LHFPL6: variants seen among roughly 807,000 people sequenced by gnomAD.
LHFPL6 encodes LHFPL tetraspan subfamily member 6, also known as LHFPL tetraspan subfamily member 6 protein.
Under a neutral mutation model 20.6 loss-of-function variants are expected in LHFPL6, and 9 were observed. The observed-to-expected ratio is 0.44, with a 90% CI of 0.26 to 0.76. The LOEUF (loss-of-function observed/expected upper bound fraction) is 0.76, where lower values mean the gene tolerates loss of function less well. Ranked by LOEUF, LHFPL6 falls within the 30% of genes least tolerant of loss-of-function variation. The pLI, the probability that LHFPL6 is intolerant of heterozygous loss-of-function variation, is 0.20. For synonymous variants in LHFPL6, 105 were observed against 98.7 expected, an observed-to-expected ratio of 1.06 and a Z score of -0.38; for missense variants, 218 against 253.5, an observed-to-expected ratio of 0.86 and a Z score of 0.95.
chr13:39,582,285 C>G (rs1280657358), intron 2 of LHFPL6, among the ~76,000 whole-genome samples: 1 of 152,218 alleles, frequency 6.6e-6, no homozygotes, highest in East Asian at 1.9e-4. Flanking sequence ...TCATCTCGCT[C>G]TCTTTCTGTC....
At chr13:39,549,161 T>C (rs185016481) in intron 2 of LHFPL6, among the ~76,000 whole-genome samples, 1 of 152,276 alleles carries the variant, frequency 6.6e-6, no homozygotes, top group East Asian at 1.9e-4. Flanking sequence ...GAAATAATGT[T>C]CACTGACCAT....
At chr13:39,375,891 T>G (rs769481732) in intron 3 of LHFPL6, among the ~76,000 whole-genome samples, 37 of 152,180 alleles carry the variant, frequency 2.4e-4, no homozygotes, top group Admixed American at 7.2e-4. Context: ...GCCAGTTTTT[T>G]TTTTCTCATT....
intron 2 of LHFPL6, among the ~76,000 whole-genome samples, chr13:39,562,599 CACATAT>C (rs1246985515): frequency 3.4e-4 from 22 of 65,168 alleles, no homozygotes; most frequent in African/African-American, 4.6e-4. Flanking sequence ...TACATATATA[CACATAT>C]ACATATATAC....
chr13:39,562,869 T>C (rs1871586185), intron 2 of LHFPL6, among the ~76,000 whole-genome samples: 1 of 151,962 alleles, frequency 6.6e-6, no homozygotes, highest in African/African-American at 2.4e-5. Context: ...ATTTACACAC[T>C]CTTCCTATTA....
intron 2 of LHFPL6, among the ~76,000 whole-genome samples, chr13:39,531,918 C>T (rs1034622783): frequency 6.6e-5 from 10 of 152,104 alleles, no homozygotes; most frequent in Admixed American, 4.6e-4. Flanking sequence ...AAAGCAGCCA[C>T]GAGACAGGTT....
intron 2 of LHFPL6, among the ~76,000 whole-genome samples, chr13:39,389,077 A>G (rs1566100253): frequency 6.6e-6 from 1 of 152,202 alleles, no homozygotes; most frequent in Non-Finnish European, 1.5e-5. Flanking sequence ...GCAATACACT[A>G]TCTCCTGCAA....
At chr13:39,465,767 A>G (rs1479250874) in intron 2 of LHFPL6, among the ~76,000 whole-genome samples, 1 of 152,206 alleles carries the variant, frequency 6.6e-6, no homozygotes, top group Non-Finnish European at 1.5e-5. Flanking sequence ...GAGGTAGCAC[A>G]TTATAAGGAT....
chr13:39,432,097 C>T (rs761536589), intron 2 of LHFPL6, among the ~76,000 whole-genome samples: 3 of 152,164 alleles, frequency 2.0e-5, no homozygotes, highest in Non-Finnish European at 4.4e-5. Flanking sequence ...CCTTGCACCA[C>T]GTGAGGACAT....
chr13:39,569,265 T>C (rs1481291616), intron 2 of LHFPL6, among the ~76,000 whole-genome samples: 1 of 152,140 alleles, frequency 6.6e-6, no homozygotes, highest in Non-Finnish European at 1.5e-5. Context: ...TATCCGCAAA[T>C]GTCTTTGCAA....
At chr13:39,422,523 T>C (rs1402571691) in intron 2 of LHFPL6, among the ~76,000 whole-genome samples, 1 of 149,290 alleles carries the variant, frequency 6.7e-6, no homozygotes, top group Non-Finnish European at 1.5e-5. Flanking sequence ...GAGGCGGCAG[T>C]TGCAGTGAGC....
chr13:39,426,309 CT>C (rs766460640), intron 2 of LHFPL6, among the ~76,000 whole-genome samples: 61 of 151,978 alleles, frequency 4.0e-4, no homozygotes, highest in Non-Finnish European at 6.5e-4. Flanking sequence ...CAACCTCCAC[CT>C]CCCGGGTTCA....
intron 2 of LHFPL6, among the ~76,000 whole-genome samples, chr13:39,519,942 C>T (rs1341487185): frequency 4.6e-5 from 7 of 152,186 alleles, no homozygotes; most frequent in African/African-American, 1.7e-4. Flanking sequence ...ACACTAACCA[C>T]CGGAGCCACC....
intron 2 of LHFPL6, among the ~76,000 whole-genome samples, chr13:39,539,801 TA>T (rs985740203): frequency 2.0e-5 from 3 of 152,218 alleles, no homozygotes; most frequent in Non-Finnish European, 2.9e-5. Flanking sequence ...AAGTCAGTAT[TA>T]AATATTTAGA....
chr13:39,577,074 G>A (rs749874475), intron 2 of LHFPL6, among the ~76,000 whole-genome samples: 2 of 152,084 alleles, frequency 1.3e-5, no homozygotes, highest in Non-Finnish European at 2.9e-5. Flanking sequence ...ATAAACTCAC[G>A]ATCTTCATGG....
intron 2 of LHFPL6, among the ~76,000 whole-genome samples, chr13:39,396,962 A>C (rs1164433497): frequency 6.6e-6 from 1 of 152,146 alleles, no homozygotes; most frequent in African/African-American, 2.4e-5. Flanking sequence ...CTTCAGAGGG[A>C]GCATGGCCCT....
At chr13:39,574,631 A>T (rs1872052862) in intron 2 of LHFPL6, among the ~76,000 whole-genome samples, 1 of 152,228 alleles carries the variant, frequency 6.6e-6, no homozygotes, top group Admixed American at 6.5e-5. Flanking sequence ...GCTGCACTGC[A>T]GAGCAAGGTC....
At chr13:39,485,744 A>T (rs2138448985) in intron 2 of LHFPL6, among the ~76,000 whole-genome samples, 1 of 152,318 alleles carries the variant, frequency 6.6e-6, no homozygotes, top group East Asian at 1.9e-4. Context: ...GAATGAGCCC[A>T]ATTTTTCAAA....
rs565933382 is a variant in LHFPL6, at chr13:39,561,055, G to A, written c.385+39777C>T. 4.6e-5 allele frequency among the ~76,000 whole-genome samples: 7 copies of A among 151,866 alleles called. No homozygotes were observed. The East Asian group carries it at 9.8e-4, about 21-fold the overall frequency. ...TCTTCACTCTATGCAGGAGCCAGCC[G>A]GGGTCCACATCCATGGTGCTCCCTC... On this transcript the variant is annotated intron_variant, in intron 2 of 3. Coordinates refer to ENST00000379589, the MANE Select transcript of LHFPL6 (RefSeq NM_005780.3).
chr13:39,559,218 C>T (rs1006699175), intron 2 of LHFPL6, among the ~76,000 whole-genome samples: 1 of 152,182 alleles, frequency 6.6e-6, no homozygotes, highest in African/African-American at 2.4e-5. Flanking sequence ...TAGAGATGTC[C>T]TCACCCAAAG....
Sources: gnomAD v4.1 joint callset for allele counts (sites outside exome capture counted in the v4.1 genomes callset) on GRCh38, gnomAD v4.1.1 for gene constraint, MANE v1.5 for transcripts, NCBI Gene and HGNC (gene_info 2026-07-23, HGNC 2026-07-21) for gene names.